GSTA4: variants seen among roughly 807,000 people sequenced by gnomAD.
GSTA4 encodes glutathione S-transferase alpha 4, also known as glutathione S-transferase A4.
Under a neutral mutation model 24.4 loss-of-function variants are expected in GSTA4, and 15 were observed. That is an observed-to-expected ratio of 0.61 (90% confidence interval 0.41 to 0.95). The LOEUF (loss-of-function observed/expected upper bound fraction) is 0.95. Among genes scored for constraint, GSTA4 ranks in the 40% least tolerant of loss-of-function variants. The pLI is 0.00. For missense variants in GSTA4, 244 were observed against 262.1 expected (o/e 0.93, Z 0.48); for synonymous variants, 92 against 94.2 (o/e 0.98, Z 0.13).
chr6:52,982,438 T>C, intron 6 of GSTA4, 136 bp downstream of exon 6: 1 of 578,194 alleles, frequency 1.7e-6, no homozygotes, highest in South Asian at 2.7e-5. Context: ...TTACTTTCAT[T>C]TCATTTGCCA....
rs777685219 is a variant in GSTA4 at position 52,984,485 on chromosome 6, T to C, written c.393A>G (p.Arg131=). 6.2e-7 allele frequency: 1 copy of C among 1,613,070 alleles called. No homozygotes were observed. Among genetic ancestry groups the C allele is most frequent in the Non-Finnish European group, 8.5e-7 (1 of 1,179,736 alleles). ...VVNMAQKAII[R]YFPVFEKILR... Reference sequence around the variant, plus strand: ...CTACCTTTTCAAACACAGGAAAGTATCTAATTATAGCCTTCTGGGCCATGT... The same window carrying C: ...CTACCTTTTCAAACACAGGAAAGTACCTAATTATAGCCTTCTGGGCCATGT... Residue 131 remains arginine (R), a synonymous_variant, in exon 5 of 7, where the codon AGA becomes AGG. Transcript: ENST00000370963.
At chr6:52,993,384 A>T (rs1339869600) in intron 2 of GSTA4, among the ~76,000 whole-genome samples, 1 of 152,256 alleles carries the variant, frequency 6.6e-6, no homozygotes. Flanking sequence ...CAATGTCTAG[A>T]TCCAAACTAA....
intron 2 of GSTA4, among the ~76,000 whole-genome samples, chr6:52,988,443 G>A (rs893186697): frequency 1.3e-5 from 2 of 152,148 alleles, no homozygotes; most frequent in African/African-American, 4.8e-5. Flanking sequence ...CTCCCCAGTG[G>A]AGAACACTCT....
chr6:52,982,613 C>G lies in GSTA4; in HGVS notation c.507G>C (p.Glu169Asp), dbSNP rs1337046934. Residue 169 changes from glutamate (E) to aspartate (D), a missense_variant, in exon 6 of 7, where the codon GAG becomes GAC. Transcript: ENST00000370963. Reference sequence around the variant, plus strand: ...ATGCAGACAGGATATTAGGAATTTTCTCTTCTAGAGCTAAAATGGTTTGGA... The same window carrying G: ...ATGCAGACAGGATATTAGGAATTTTGTCTTCTAGAGCTAAAATGGTTTGGA... ...ILLQTILALEEKIPNILSAFP... is the reference protein window; with the variant it reads ...ILLQTILALEDKIPNILSAFP... 1 of 1,610,090 alleles carries G rather than the reference C, an allele frequency of 6.2e-7. No individual in the cohort carries two copies. Among genetic ancestry groups the G allele is most frequent in the East Asian group, 2.2e-5 (1 of 44,862 alleles).
At chr6:52,984,317 C>G in intron 5 of GSTA4, 147 bp downstream of exon 5, 1 of 673,906 alleles carries the variant, frequency 1.5e-6, no homozygotes, top group Non-Finnish European at 2.5e-6. Flanking sequence ...GCTGTGGCTA[C>G]TATTCGCTCT....
chr6:52,987,413 ATT>A lies in GSTA4; in HGVS notation c.88-7_88-6del. The A allele has an allele frequency of 6.6e-7, 1 of 1,525,252 alleles. No individual in the cohort carries two copies. The highest frequency in any genetic ancestry group is 9.1e-7 in the Non-Finnish European group (1 of 1,102,250). The allele number at this position is 1,525,252 out of a possible 1,614,324, so 94.5% of individuals were successfully genotyped here. On this transcript the variant is annotated splice_polypyrimidine_tract_variant and splice_region_variant and intron_variant, in intron 2 of 6. Coordinates refer to ENST00000370963, the MANE Select transcript of GSTA4 (RefSeq NM_001512.4). ...TTCCAGAAATTCTTCATCAAACTAAATTTTTAAAAAAGAAACGTATATATACA... is the reference window on the plus strand; with the variant it reads ...TTCCAGAAATTCTTCATCAAACTAAATTTAAAAAAGAAACGTATATATACA...
intron 6 of GSTA4, among the ~76,000 whole-genome samples, chr6:52,979,649 C>T (rs1195252414): frequency 6.6e-6 from 1 of 150,580 alleles, no homozygotes; most frequent in Non-Finnish European, 1.5e-5. Context: ...TTAAATAAAA[C>T]CATTTATTTA....
chr6:52,986,635 C>T (rs1015666728), intron 3 of GSTA4, among the ~76,000 whole-genome samples: 11 of 152,272 alleles, frequency 7.2e-5, no homozygotes, highest in East Asian at 1.9e-4. Context: ...TTTGAGCATT[C>T]GGAGCAGGTG....
intron 3 of GSTA4, among the ~76,000 whole-genome samples, 196 bp from the exon 4 acceptor site, chr6:52,985,779 G>A (rs1171013552): frequency 1.3e-5 from 2 of 152,172 alleles, no homozygotes; most frequent in African/African-American, 2.4e-5. Context: ...GGGGCCAGGC[G>A]TGGTGGCTCA....
At chr6:52,979,813 C>T (rs569180633) in intron 6 of GSTA4, among the ~76,000 whole-genome samples, 38 of 152,092 alleles carry the variant, frequency 2.5e-4, no homozygotes, top group Non-Finnish European at 3.7e-4. Flanking sequence ...ATAAATATGA[C>T]AATTTTCTCT....
chr6:52,988,436 C>A (rs1484606717), intron 2 of GSTA4, among the ~76,000 whole-genome samples: 1 of 152,116 alleles, frequency 6.6e-6, no homozygotes, highest in Non-Finnish European at 1.5e-5. Context: ...AACTTGGCTC[C>A]CCAGTGGAGA....
At chr6:52,990,209 C>G (rs1763638072) in intron 2 of GSTA4, among the ~76,000 whole-genome samples, 1 of 152,134 alleles carries the variant, frequency 6.6e-6, no homozygotes, top group Non-Finnish European at 1.5e-5. Flanking sequence ...AGTGACTGAC[C>G]AGCATTGAGA....
chr6:52,978,479 A>G lies in GSTA4; in HGVS notation c.660T>C (p.Phe220=). The G allele has an allele frequency of 6.2e-7, 1 of 1,613,534 alleles. No individual in the cohort carries two copies. Among genetic ancestry groups the G allele is most frequent in the Non-Finnish European group, 8.5e-7 (1 of 1,179,668 alleles). Residue 220 remains phenylalanine, a synonymous_variant, in exon 7 of 7, where the codon TTT becomes TTC. Coordinates refer to ENST00000370963, the MANE Select transcript of GSTA4 (RefSeq NM_001512.4). The part of the protein sequence containing the change: ...EIYVRTVYNI[F]RP Reference sequence around the variant, plus strand: ...ACATGGATGTGTTGTTTTATGGCCTAAAGATGTTGTAGACGGTTCTCACAT... The same window carrying G: ...ACATGGATGTGTTGTTTTATGGCCTGAAGATGTTGTAGACGGTTCTCACAT...
chr6:52,991,915 C>T (rs1220541447), intron 2 of GSTA4, among the ~76,000 whole-genome samples: 1 of 152,064 alleles, frequency 6.6e-6, no homozygotes, highest in African/African-American at 2.4e-5. Context: ...TGCCACCACA[C>T]CCAGCTAATT....
At chr6:52,979,188 T>C (rs2127382549) in intron 6 of GSTA4, among the ~76,000 whole-genome samples, 1 of 151,962 alleles carries the variant, frequency 6.6e-6, no homozygotes, top group Admixed American at 6.6e-5. Flanking sequence ...GCAGTGGGAG[T>C]GGGGAAGGAA....
intron 6 of GSTA4, among the ~76,000 whole-genome samples, chr6:52,981,905 CAA>C (rs1423030369): frequency 2.0e-5 from 3 of 152,186 alleles, no homozygotes; most frequent in African/African-American, 7.2e-5. Context: ...TTGAACCACA[CAA>C]GTCTTTCCTT....
intron 2 of GSTA4, among the ~76,000 whole-genome samples, chr6:52,991,789 G>A (rs913619698): frequency 1.5e-5 from 2 of 134,180 alleles, no homozygotes; most frequent in African/African-American, 5.9e-5. Flanking sequence ...ATGGAGTCTC[G>A]TTCTGTTGTC....
intron 6 of GSTA4, among the ~76,000 whole-genome samples, chr6:52,982,283 C>A (rs1298139034): frequency 6.6e-6 from 1 of 151,916 alleles, no homozygotes; most frequent in Non-Finnish European, 1.5e-5. Flanking sequence ...ACTCAGGAGA[C>A]TGAGGTGGGA....
chr6:52,993,703 A>T lies in GSTA4; in HGVS notation c.87+454T>A, dbSNP rs45618639. ...GAATTCATGGCAATGTTCTCTCTAC[A>T]TTTATTGGTATTTGAAAATTTCCAT... is the stretch of plus-strand genomic sequence containing the variant. On this transcript the variant is annotated intron_variant, in intron 2 of 6. Transcript: ENST00000370963. Among the ~76,000 whole-genome samples the T allele has an allele frequency of 6.5e-3, 996 of 152,336 alleles. 3 individuals are homozygous for T. Among genetic ancestry groups the T allele is most frequent in the Non-Finnish European group, 9.7e-3 (660 of 68,042 alleles).
Sources: allele counts gnomAD v4.1 joint callset (sites outside exome capture counted in the v4.1 genomes callset), GRCh38; gene constraint gnomAD v4.1.1; transcripts MANE v1.5; gene names NCBI Gene and HGNC (gene_info 2026-07-23, HGNC 2026-07-21).